Variants in TNKS observed in about 807,000 individuals in gnomAD.
TNKS encodes the protein tankyrase, also known as poly [ADP-ribose] polymerase tankyrase-1.
TNKS carries 72 observed loss-of-function variants against 135.8 expected under a neutral mutation model. The observed-to-expected ratio is 0.53, with a 90% confidence interval of 0.44 to 0.64. TNKS has a LOEUF of 0.64. Among genes scored for constraint, TNKS ranks in the 30% least tolerant of loss-of-function variants. TNKS has a pLI of 0.00. For synonymous variants in TNKS, 849 were observed against 649.3 expected (o/e 1.31, Z -4.68); for missense variants, 1,769 against 1,674.0 (o/e 1.06, Z -0.99).
chr8:9,643,687 G>A (rs1800806046), intron 3 of TNKS, among the ~76,000 whole-genome samples: 1 of 152,104 alleles, frequency 6.6e-6, no homozygotes, highest in South Asian at 2.1e-4. Context: ...GTAAAATGGT[G>A]TAAGCACTAT....
chr8:9,747,852 G>T (rs1048249650), intron 17 of TNKS, among the ~76,000 whole-genome samples, 172 bp from the exon 18 acceptor site: 5 of 152,116 alleles, frequency 3.3e-5, no homozygotes, highest in African/African-American at 1.2e-4. Context: ...AAAAGATGGA[G>T]TCCAAAGTGT....
intron 5 of TNKS, chr8:9,681,025 G>C: frequency 1.1e-5 from 4 of 372,752 alleles, no homozygotes; most frequent in Non-Finnish European, 1.4e-5. Context: ...GTCAGACACA[G>C]CAAGTTATTT....
At chr8:9,757,013 G>C (rs11998523) in intron 20 of TNKS, among the ~76,000 whole-genome samples, 2 of 152,002 alleles carry the variant, frequency 1.3e-5, no homozygotes, top group Non-Finnish European at 2.9e-5. Context: ...GTCTAGCTCT[G>C]TTGCCCAGGC....
chr8:9,580,507 T>A, intron 2 of TNKS, 124 bp downstream of exon 2: 1 of 818,682 alleles, frequency 1.2e-6, no homozygotes, highest in Non-Finnish European at 1.9e-6. Context: ...GAAGCAGTTC[T>A]TTTCCATCAA....
chr8:9,741,659 T>G (rs1322866920), intron 17 of TNKS: 1 of 495,548 alleles, frequency 2.0e-6, no homozygotes, highest in Admixed American at 2.0e-5. Flanking sequence ...TTGATCCCCA[T>G]CAGTTAAGAT....
chr8:9,734,813 T>A (rs1805611057), intron 15 of TNKS, 52 bp from the exon 16 acceptor site: 2 of 1,479,374 alleles, frequency 1.4e-6, no homozygotes, highest in Non-Finnish European at 1.9e-6. Flanking sequence ...CCTACCTACC[T>A]ACCTACTTAC....
intron 1 of TNKS, chr8:9,575,227 C>G (rs889759781): frequency 2.1e-6 from 1 of 478,008 alleles, no homozygotes; most frequent in Non-Finnish European, 2.7e-6. Flanking sequence ...GCTGGGACTA[C>G]AGGCGCCCGC....
chr8:9,585,041 A>G (rs1326943301), intron 2 of TNKS, among the ~76,000 whole-genome samples: 7 of 152,216 alleles, frequency 4.6e-5, no homozygotes, highest in African/African-American at 1.7e-4. Context: ...CAGGACTGCT[A>G]AAGGAGTCAG....
intron 26 of TNKS, among the ~76,000 whole-genome samples, chr8:9,770,917 A>C (rs977224164): frequency 6.6e-6 from 1 of 152,090 alleles, no homozygotes; most frequent in Non-Finnish European, 1.5e-5. Flanking sequence ...GGATGTGTTG[A>C]TGTATTGATT....
At chr8:9,717,423 A>C (rs1303622632) in intron 11 of TNKS, among the ~76,000 whole-genome samples, 1 of 152,048 alleles carries the variant, frequency 6.6e-6, no homozygotes, top group Non-Finnish European at 1.5e-5. Flanking sequence ...AGATAAAGCA[A>C]ATTCATTTTC....
intron 11 of TNKS, among the ~76,000 whole-genome samples, chr8:9,718,772 C>G (rs1804729546): frequency 6.6e-6 from 1 of 152,168 alleles, no homozygotes; most frequent in Non-Finnish European, 1.5e-5. Flanking sequence ...TTAATTACCA[C>G]AGTTGAGGGG....
intron 3 of TNKS, among the ~76,000 whole-genome samples, chr8:9,651,266 A>T (rs923538470): frequency 2.0e-5 from 3 of 152,182 alleles, no homozygotes; most frequent in Non-Finnish European, 4.4e-5. Flanking sequence ...TGTGTAATAT[A>T]TATAAAAATA....
chr8:9,747,767 T>C (rs528122059), intron 17 of TNKS, among the ~76,000 whole-genome samples: 21 of 152,156 alleles, frequency 1.4e-4, no homozygotes, highest in Non-Finnish European at 1.5e-5. Flanking sequence ...GAGGGATGCA[T>C]TTTTTGAAAA....
At chr8:9,681,943 G>A (rs558589741) in intron 5 of TNKS, among the ~76,000 whole-genome samples, 126 of 152,100 alleles carry the variant, frequency 8.3e-4, no homozygotes, top group Non-Finnish European at 1.5e-3. Flanking sequence ...GGTAATTTGG[G>A]GAGAGACTTC....
chr8:9,735,324 ATTTT>A, intron 16 of TNKS, 49 bp from the exon 17 acceptor site: 1 of 1,506,724 alleles, frequency 6.6e-7, no homozygotes, highest in Non-Finnish European at 9.2e-7. Flanking sequence ...ATATGTATGT[ATTTT>A]TTTTCCTTTA....
chr8:9,713,700 A>C (rs1190390587), intron 11 of TNKS, among the ~76,000 whole-genome samples: 1 of 152,200 alleles, frequency 6.6e-6, no homozygotes, highest in African/African-American at 2.4e-5. Context: ...ATCAATTGCT[A>C]TCAGTAGATA....
At chr8:9,574,917 T>C (rs1797886921) in intron 1 of TNKS, 1 of 461,452 alleles carries the variant, frequency 2.2e-6, no homozygotes, top group Non-Finnish European at 2.8e-6. Context: ...AGAACCTAGA[T>C]ATGAGGCTTA....
chr8:9,751,782 G>A lies in TNKS; in HGVS notation c.3006G>A (p.Leu1002=). The A allele has an allele frequency of 1.9e-6, 3 of 1,614,152 alleles. No homozygotes were observed. The highest frequency in any genetic ancestry group is 2.2e-5 in the South Asian group (2 of 91,080). ...IDNLTGPLAE[L]AVGGASNAGD... ...ACCTCACTGGCCCTTTAGCAGAGTT[G>A]GCCGTAGGAGGAGCCTCCAATGCAG... Residue 1002 remains leucine (L), a synonymous_variant, in exon 19 of 27, where the codon TTG becomes TTA. Transcript: ENST00000310430.
At chr8:9,710,626 G>A (rs1804279063) in intron 11 of TNKS, among the ~76,000 whole-genome samples, 1 of 152,224 alleles carries the variant, frequency 6.6e-6, no homozygotes, top group Non-Finnish European at 1.5e-5. Flanking sequence ...GCCAGGCACA[G>A]TGGCTCACGC....
Sources: allele counts gnomAD v4.1 joint callset (sites outside exome capture counted in the v4.1 genomes callset), GRCh38; gene constraint gnomAD v4.1.1; transcripts MANE v1.5; gene names NCBI Gene and HGNC (gene_info 2026-07-23, HGNC 2026-07-21).